YARS1: variants seen among roughly 807,000 people sequenced by gnomAD.
YARS1 encodes the protein tyrosyl-tRNA synthetase 1, also known as tyrosine--tRNA ligase, cytoplasmic.
Under a neutral mutation model 62.2 loss-of-function variants are expected in YARS1, and 36 were observed. That is an observed-to-expected ratio of 0.58 (90% CI 0.44 to 0.76). The LOEUF is 0.76. YARS1 is among the 30% of genes least tolerant of loss of function. The pLI, the probability that YARS1 is intolerant of heterozygous loss-of-function variation, is 0.00. For synonymous variants in YARS1, 234 were observed against 244.9 expected (o/e 0.96, Z 0.42); for missense variants, 524 against 639.8 (o/e 0.82, Z 1.95).
chr1:32,817,232 G>T lies in YARS1; in HGVS notation c.13C>A (p.Pro5Thr). The T allele has an allele frequency of 6.2e-7, 1 of 1,614,142 alleles. No homozygotes were observed. ...AGGTGCAGTTTCTCTTCAGGGCTGG[G>T]AGCGTCCCCCATGGCTCCGCTACCC... MGDA[P>T]SPEEKLHLIT... The change falls in exon 1 of 13, where the codon CCC becomes ACC. Residue 5 changes from proline to threonine, a missense_variant. Coordinates refer to ENST00000373477, the MANE Select transcript of YARS1 (RefSeq NM_003680.4).
Position 32,781,059 on chromosome 1 carries a change from T to C in YARS1, c.1129A>G (p.Thr377Ala), listed in dbSNP as rs1047292984. 1 of 1,614,100 alleles carries C rather than the reference T, an allele frequency of 6.2e-7. No homozygotes were observed. Among genetic ancestry groups the C allele is most frequent in the African/African-American group, 1.3e-5 (1 of 75,036 alleles). ...RLDIRVGKII[T>A]VEKHPDADSL... is the part of the protein sequence containing the mutation. ...TGAAAAATGAGTACCTTCTCCACAGTGATGATTTTCCCCACACGGATATCC... is the reference window on the plus strand; with the variant it reads ...TGAAAAATGAGTACCTTCTCCACAGCGATGATTTTCCCCACACGGATATCC... The change falls in exon 10 of 13, where the codon ACT becomes GCT. Residue 377 changes from threonine to alanine, a missense_variant. Thr to Ala is a moderately conservative substitution (Grantham distance 58). Coordinates refer to ENST00000373477, the MANE Select transcript of YARS1 (RefSeq NM_003680.4).
Position 32,776,096 on chromosome 1 carries a change from A to G in YARS1, c.1477-5T>C. ...CTCAGAAATTTTGAAGTCAGCCTGGACAAGACAGATAAGAGAGATTTTAAT... is the reference window on the plus strand; with the variant it reads ...CTCAGAAATTTTGAAGTCAGCCTGGGCAAGACAGATAAGAGAGATTTTAAT... On this transcript the variant is annotated splice_region_variant and splice_polypyrimidine_tract_variant and intron_variant, in intron 12 of 12. Coordinates refer to ENST00000373477, the MANE Select transcript of YARS1 (RefSeq NM_003680.4). This position sits in a 1 kb window ranked among gnomAD's most constrained non-coding sequence, Gnocchi z 4.0. The G allele has an allele frequency of 6.2e-7, 1 of 1,611,088 alleles. No homozygotes were observed.
At chr1:32,790,987 G>C in intron 6 of YARS1, 175 bp downstream of exon 6, 1 of 675,634 alleles carries the variant, frequency 1.5e-6, no homozygotes, top group South Asian at 1.6e-5. Flanking sequence ...GATCTCATCA[G>C]GACTGCTCTG....
chr1:32,784,145 C>T (rs1653146369), intron 8 of YARS1, among the ~76,000 whole-genome samples: 1 of 151,718 alleles, frequency 6.6e-6, no homozygotes, highest in Non-Finnish European at 1.5e-5. Flanking sequence ...GCTGCGACTA[C>T]AGGCATGCGC....
intron 3 of YARS1, among the ~76,000 whole-genome samples, chr1:32,808,288 C>T (rs899874271): frequency 4.6e-5 from 7 of 150,946 alleles, no homozygotes; most frequent in South Asian, 2.1e-4. Flanking sequence ...GGTGCGATCT[C>T]GGCTCACCAC....
chr1:32,786,253 G>A (rs1653222720), intron 8 of YARS1, 109 bp downstream of exon 8: 2 of 1,090,414 alleles, frequency 1.8e-6, no homozygotes, highest in African/African-American at 1.6e-5. Flanking sequence ...AAAAATAGCA[G>A]GCAGCTCACT....
chr1:32,781,382 T>C (rs1653051495), intron 9 of YARS1: 12 of 536,040 alleles, frequency 2.2e-5, no homozygotes, highest in Middle Eastern at 4.9e-4. Context: ...AGTAGTAGCT[T>C]TGCCTCCTTT....
chr1:32,785,708 G>A (rs61798846), intron 8 of YARS1, among the ~76,000 whole-genome samples: 20,705 of 151,244 alleles, frequency 0.14, 1,764 homozygotes, highest in South Asian at 0.23. Flanking sequence ...TCAGCCTCCC[G>A]AGTAGCTGGG....
In YARS1 at chr1:32,782,196, G is replaced by T. The variant is rs699004; in HGVS notation, c.1042+208C>A. On this transcript the variant is annotated intron_variant, in intron 9 of 12. Coordinates refer to ENST00000373477, the MANE Select transcript of YARS1 (RefSeq NM_003680.4). ...TACACCAGCAGCTCTCAGCAATGCC[G>T]GTACAAAAGGATGTGATCACTTCCT... 0.088 allele frequency: 62,990 copies of T among 713,184 alleles called. 3,402 individuals are homozygous for T. The highest frequency in any genetic ancestry group is 0.18 in the Admixed American group (6,452 of 36,778). 44.2% of individuals were successfully genotyped at this position (713,184 alleles called of 1,614,324 possible).
Position 32,805,040 on chromosome 1 carries a change from G to A in YARS1, c.510+1442C>T, listed in dbSNP as rs547057605. ...GCGGTCAGGAGCTGGAGACCAGCCC[G>A]GCCAACACAGCGAAACCCCGTCTCC... On this transcript the variant is annotated intron_variant, in intron 4 of 12. Transcript: ENST00000373477. 2.6e-5 allele frequency among the ~76,000 whole-genome samples: 4 copies of A among 152,240 alleles called. No homozygotes were observed. The East Asian group carries it at 7.7e-4, about 29-fold the overall frequency.
At chr1:32,804,744 C>T (rs577138553) in intron 4 of YARS1, among the ~76,000 whole-genome samples, 1 of 151,306 alleles carries the variant, frequency 6.6e-6, no homozygotes, top group Admixed American at 6.6e-5. Flanking sequence ...TCCTCACTTC[C>T]AAGACTGGGC....
At chr1:32,782,810 T>G in intron 8 of YARS1, 1 of 463,124 alleles carries the variant, frequency 2.2e-6, no homozygotes. Context: ...CCTCCATTTA[T>G]GCTTAGAGTA....
chr1:32,799,599 G>C (rs1378512540), intron 4 of YARS1, among the ~76,000 whole-genome samples: 2 of 152,174 alleles, frequency 1.3e-5, no homozygotes, highest in African/African-American at 2.4e-5. Flanking sequence ...TGAACAAGCA[G>C]GAACAGTCTA....
intron 1 of YARS1, 54 bp downstream of exon 1, chr1:32,817,134 C>A: frequency 6.2e-7 from 1 of 1,609,448 alleles, no homozygotes; most frequent in South Asian, 1.1e-5. Flanking sequence ...CTCAAAATCA[C>A]TGAACCTCGG....
rs1638776538 is a variant in YARS1 at position 32,817,275 on chromosome 1, C to T, written c.-31G>A. On this transcript the variant is annotated 5_prime_UTR_variant, in exon 1 of 13. Coordinates refer to ENST00000373477, the MANE Select transcript of YARS1 (RefSeq NM_003680.4). ...CGCTACCCCTGCTTCCCCCGCTCAG[C>T]CCGGCACCAGAGCCCCTTCCTGGGT... 1 of 1,613,362 alleles carries T rather than the reference C, an allele frequency of 6.2e-7. No homozygotes were observed. Among genetic ancestry groups the T allele is most frequent in the African/African-American group, 1.3e-5 (1 of 75,058 alleles).
intron 4 of YARS1, among the ~76,000 whole-genome samples, chr1:32,799,062 A>G (rs1236333420): frequency 1.3e-5 from 2 of 152,244 alleles, no homozygotes; most frequent in Non-Finnish European, 2.9e-5. Context: ...AATTATCTCT[A>G]TTTAGTAAGA....
Position 32,780,171 on chromosome 1 carries a change from C to T in YARS1, c.1248G>A (p.Gln416=), listed in dbSNP as rs1653005396. The T allele has an allele frequency of 6.2e-7, 1 of 1,614,192 alleles. No homozygotes were observed. Among genetic ancestry groups the T allele is most frequent in the Non-Finnish European group, 8.5e-7 (1 of 1,180,036 alleles). ...TGCACAGCACCACTACCAGCCTGTCCTGCAGTTCCTCCTTGGGCACGAACT... is the reference window on the plus strand; with the variant it reads ...TGCACAGCACCACTACCAGCCTGTCTTGCAGTTCCTCCTTGGGCACGAACT... ...LVQFVPKEEL[Q]DRLVVVLCNL... is the part of the protein sequence containing the mutation. Residue 416 remains glutamine, a synonymous_variant, in exon 11 of 13, where the codon CAG becomes CAA. Coordinates refer to ENST00000373477, the MANE Select transcript of YARS1 (RefSeq NM_003680.4).
At chr1:32,794,891 C>G (rs1029300568) in intron 5 of YARS1, among the ~76,000 whole-genome samples, 2 of 149,398 alleles carry the variant, frequency 1.3e-5, no homozygotes, top group African/African-American at 4.9e-5. Flanking sequence ...GTAATCCCAG[C>G]TACTCGGAAG....
intron 1 of YARS1, chr1:32,816,937 C>G: frequency 3.3e-6 from 2 of 599,392 alleles, no homozygotes; most frequent in Non-Finnish European, 3.0e-6. Context: ...AATGGGAGTC[C>G]TGGATTCAAA....
Sources: gnomAD v4.1 joint callset for allele counts (sites outside exome capture counted in the v4.1 genomes callset) on GRCh38, gnomAD v4.1.1 for gene constraint, Gnocchi (gnomAD v3.1) non-coding constraint, MANE v1.5 for transcripts, NCBI Gene and HGNC (gene_info 2026-07-23, HGNC 2026-07-21) for gene names.